WWP2: variants seen among roughly 807,000 people sequenced by gnomAD.
WWP2 encodes the protein NEDD4-like E3 ubiquitin-protein ligase WWP2.
A neutral mutation model predicts 121.0 loss-of-function variants in WWP2; 57 were observed. The observed-to-expected ratio is 0.47, with a 90% confidence interval of 0.38 to 0.59. The LOEUF (loss-of-function observed/expected upper bound fraction) is 0.59. WWP2 is among the 20% of genes least tolerant of loss of function. The probability of loss-of-function intolerance (pLI) is 0.00; values close to 1 mark genes in which losing one functional copy is unlikely to be tolerated. For missense variants in WWP2, 962 were observed against 1,158.9 expected (o/e 0.83, Z 2.47); for synonymous variants, 449 against 441.3 (o/e 1.02, Z -0.22).
rs184366264 is a variant in WWP2 at position 69,917,501 on chromosome 16, T to C, written c.1005-208T>C. 122 of 503,170 alleles carry C rather than the reference T, an allele frequency of 2.4e-4. No homozygotes were observed. The East Asian group carries it at 3.6e-3, about 15-fold the overall frequency. The allele number at this position is 503,170 out of a possible 1,614,324, so 31.2% of individuals were successfully genotyped here. A position where few individuals can be genotyped will look rare whatever the true frequency, so the allele number is the denominator to read the frequency against. ...CAGAGTCAGCTTCCCCAGAACCACA[T>C]GGATCCCCAAATTAGAAATTGAGAG... On this transcript the variant is annotated intron_variant, in intron 9 of 23. Transcript: ENST00000359154.
intron 4 of WWP2, among the ~76,000 whole-genome samples, chr16:69,831,451 GT>G (rs1364696042): frequency 6.6e-6 from 1 of 151,894 alleles, no homozygotes; most frequent in African/African-American, 2.4e-5. Flanking sequence ...AGTTTATGTA[GT>G]TTTTTTTCTT....
At chr16:69,771,543 G>T (rs963104486) in intron 1 of WWP2, among the ~76,000 whole-genome samples, 1 of 152,186 alleles carries the variant, frequency 6.6e-6, no homozygotes, top group Non-Finnish European at 1.5e-5. Flanking sequence ...CACAGAGCCT[G>T]AAGGACTGTA....
chr16:69,879,707 A>T (rs1295594063), intron 7 of WWP2, among the ~76,000 whole-genome samples: 1 of 152,130 alleles, frequency 6.6e-6, no homozygotes, highest in Non-Finnish European at 1.5e-5. Context: ...TGAGCCCAAG[A>T]TTTCAGTTCT....
chr16:69,844,571 C>T (rs1185977250), intron 6 of WWP2, among the ~76,000 whole-genome samples: 1 of 152,162 alleles, frequency 6.6e-6, no homozygotes, highest in Non-Finnish European at 1.5e-5. Flanking sequence ...AGTTGATCGA[C>T]CTTGAAATTC....
chr16:69,921,145 A>G (rs1324438122), intron 10 of WWP2, among the ~76,000 whole-genome samples: 3 of 152,226 alleles, frequency 2.0e-5, no homozygotes, highest in Non-Finnish European at 4.4e-5. Context: ...AACAAAACTC[A>G]TATTGAAAAA....
chr16:69,807,447 A>G (rs971730518), intron 4 of WWP2, among the ~76,000 whole-genome samples: 10 of 151,812 alleles, frequency 6.6e-5, no homozygotes, highest in African/African-American at 2.4e-4. Context: ...TTGAAAACTC[A>G]TCTCTACAAA....
At chr16:69,800,901 T>G (rs2056150047) in intron 4 of WWP2, among the ~76,000 whole-genome samples, 1 of 150,272 alleles carries the variant, frequency 6.7e-6, no homozygotes, top group Non-Finnish European at 1.5e-5. Flanking sequence ...AAAGCAATTT[T>G]ATGGCCGGGG....
At chr16:69,857,197 G>A (rs149124319) in intron 6 of WWP2, among the ~76,000 whole-genome samples, 1,548 of 152,016 alleles carry the variant, frequency 0.01, 23 homozygotes, top group African/African-American at 0.035. Flanking sequence ...TCTGCCTCTG[G>A]GGTTCAAGCG....
At chr16:69,901,800 T>C (rs2058210019) in intron 8 of WWP2, among the ~76,000 whole-genome samples, 1 of 152,096 alleles carries the variant, frequency 6.6e-6, no homozygotes, top group South Asian at 2.1e-4. Context: ...AAAGAATTGC[T>C]GTTAGCCAGG....
chr16:69,851,136 G>C (rs922150886), intron 6 of WWP2, among the ~76,000 whole-genome samples: 3 of 150,486 alleles, frequency 2.0e-5, no homozygotes, highest in Non-Finnish European at 4.4e-5. Flanking sequence ...TCAGCCTCCT[G>C]AGTAGCTGGG....
chr16:69,848,952 C>CT (rs1230738618), intron 6 of WWP2, among the ~76,000 whole-genome samples: 2 of 152,190 alleles, frequency 1.3e-5, no homozygotes, highest in African/African-American at 2.4e-5. Context: ...CTTTACTCTT[C>CT]TTTTTTTGTC....
Position 69,931,587 on chromosome 16 carries a change from TCATGGTGCCCGAA to T in WWP2, c.1593+8_1593+20del. 1 of 1,613,904 alleles carries T rather than the reference TCATGGTGCCCGAA, an allele frequency of 6.2e-7. No homozygotes were observed. Among genetic ancestry groups the T allele is most frequent in the Non-Finnish European group, 8.5e-7 (1 of 1,179,982 alleles). On this transcript the variant is annotated splice_region_variant and intron_variant, in intron 15 of 23. Coordinates refer to ENST00000359154, the MANE Select transcript of WWP2 (RefSeq NM_001270454.2). ...CGAAGATTCCTTCCAACAGGTTAGATCATGGTGCCCGAAACCAGTGGCAGGCCGACGCCCTCCT... is the reference window on the plus strand; with the variant it reads ...CGAAGATTCCTTCCAACAGGTTAGATACCAGTGGCAGGCCGACGCCCTCCT...
chr16:69,930,867 G>A lies in WWP2; in HGVS notation c.1446-285G>A, dbSNP rs112620231. ...AGCCTGGGTGACAGAGCAAGACCCC[G>A]TCTCTAGAAAACGAACAAACAAATA... is the stretch of plus-strand genomic sequence containing the variant. On this transcript the variant is annotated intron_variant, in intron 13 of 23. Transcript: ENST00000359154. Among the ~76,000 whole-genome samples, 1,236 of 152,264 alleles carry A rather than the reference G, an allele frequency of 8.1e-3. 17 individuals are homozygous for A. Among genetic ancestry groups the A allele is most frequent in the African/African-American group, 0.028 (1,171 of 41,546 alleles).
chr16:69,812,706 T>C (rs927005242), intron 4 of WWP2, among the ~76,000 whole-genome samples: 4 of 152,108 alleles, frequency 2.6e-5, no homozygotes, highest in African/African-American at 9.7e-5. Flanking sequence ...CATGGTTAGA[T>C]TCAGAGTGTG....
chr16:69,933,917 G>A lies in WWP2; in HGVS notation c.1683-53G>A, dbSNP rs535815542. ...GGTGAAGAGACACAGCTCCTGTGCA[G>A]ATGTGCACGAAGGGACCCATTATTC... On this transcript the variant is annotated intron_variant, in intron 16 of 23. Coordinates refer to ENST00000359154, the MANE Select transcript of WWP2 (RefSeq NM_001270454.2). 14 of 1,582,266 alleles carry A rather than the reference G, an allele frequency of 8.8e-6. No individual in the cohort carries two copies. In the South Asian group the frequency reaches 1.6e-4, roughly 18 times the overall value.
intron 6 of WWP2, among the ~76,000 whole-genome samples, chr16:69,868,238 C>T (rs542507229): frequency 3.7e-4 from 57 of 152,216 alleles, no homozygotes; most frequent in Admixed American, 1.8e-3. Flanking sequence ...GCAAAGTGAT[C>T]CCAGCTGCCC....
intron 6 of WWP2, among the ~76,000 whole-genome samples, chr16:69,857,392 G>A (rs1444141267): frequency 4.0e-5 from 6 of 151,432 alleles, no homozygotes; most frequent in Admixed American, 1.3e-4. Flanking sequence ...CACGCCTGGC[G>A]TAACTTTCCA....
At chr16:69,874,433 G>A (rs556974840) in intron 7 of WWP2, among the ~76,000 whole-genome samples, 3 of 152,184 alleles carry the variant, frequency 2.0e-5, no homozygotes, top group Admixed American at 6.6e-5. Context: ...ACAGACTTGC[G>A]AGATTTATTT....
intron 1 of WWP2, among the ~76,000 whole-genome samples, chr16:69,778,090 TACAC>T (rs1555544372): frequency 2.8e-5 from 3 of 108,868 alleles, no homozygotes; most frequent in Admixed American, 9.0e-5. Context: ...TATATATATA[TACAC>T]ACACACACAC....
Sources: allele counts gnomAD v4.1 joint callset (sites outside exome capture counted in the v4.1 genomes callset), GRCh38; gene constraint gnomAD v4.1.1; transcripts MANE v1.5; gene names NCBI Gene and HGNC (gene_info 2026-07-23, HGNC 2026-07-21).